SPHKAP: variants seen among roughly 807,000 people sequenced by gnomAD.
SPHKAP encodes SPHK1 interactor, AKAP domain containing, also known as A-kinase anchor protein SPHKAP.
A neutral mutation model predicts 137.5 loss-of-function variants in SPHKAP; 67 were observed. The observed-to-expected ratio is 0.49, with a 90% CI of 0.40 to 0.60. The LOEUF is 0.60. SPHKAP is among the 20% of genes least tolerant of loss of function. The pLI, the probability that SPHKAP is intolerant of heterozygous loss-of-function variation, is 0.00. For synonymous variants in SPHKAP, 813 were observed against 785.3 expected (o/e 1.04, Z -0.59); for missense variants, 2,097 against 2,069.3 (o/e 1.01, Z -0.26).
At chr2:228,122,410 ACTGT>A (rs538635347) in intron 2 of SPHKAP, among the ~76,000 whole-genome samples, 11 of 152,340 alleles carry the variant, frequency 7.2e-5, no homozygotes, top group African/African-American at 2.6e-4. Flanking sequence ...GGCATGTTGG[ACTGT>A]CACCACTGTA....
chr2:228,102,870 T>A (rs932194091), intron 3 of SPHKAP, among the ~76,000 whole-genome samples: 1 of 152,054 alleles, frequency 6.6e-6, no homozygotes, highest in Non-Finnish European at 1.5e-5. Flanking sequence ...ACCTCCCAAA[T>A]AGCTGGGACT....
intron 7 of SPHKAP, among the ~76,000 whole-genome samples, chr2:228,001,412 T>C (rs1322935007): frequency 1.4e-5 from 2 of 140,862 alleles, no homozygotes; most frequent in African/African-American, 2.6e-5. Flanking sequence ...TACATAAATA[T>C]ATATAAATAT....
At chr2:228,141,093 G>A (rs748257947) in intron 1 of SPHKAP, among the ~76,000 whole-genome samples, 13 of 152,088 alleles carry the variant, frequency 8.5e-5, no homozygotes, top group Admixed American at 3.9e-4. Flanking sequence ...GTTATTTTCC[G>A]CTGTGATCTC....
intron 1 of SPHKAP, among the ~76,000 whole-genome samples, chr2:228,151,396 G>A (rs564253194): frequency 2.4e-4 from 37 of 151,868 alleles, no homozygotes; most frequent in South Asian, 1.9e-3. Context: ...ATAAACATAC[G>A]TGTGCATGTG....
intron 3 of SPHKAP, among the ~76,000 whole-genome samples, chr2:228,074,933 T>C (rs550382244): frequency 1.1e-4 from 17 of 151,692 alleles, no homozygotes; most frequent in Admixed American, 5.9e-4. Flanking sequence ...CAACACAGCA[T>C]GAGATACCCA....
intron 7 of SPHKAP, among the ~76,000 whole-genome samples, chr2:228,009,566 T>C (rs1694285003): frequency 6.6e-6 from 1 of 152,220 alleles, no homozygotes. Context: ...ATTATACTCC[T>C]TATAATGAGT....
chr2:228,026,373 C>G (rs1695035466), intron 4 of SPHKAP, among the ~76,000 whole-genome samples: 1 of 152,050 alleles, frequency 6.6e-6, no homozygotes, highest in South Asian at 2.1e-4. Flanking sequence ...TATGCTAGAG[C>G]CTGTATATAT....
At chr2:228,069,016 C>T (rs1270852048) in intron 3 of SPHKAP, among the ~76,000 whole-genome samples, 1 of 152,146 alleles carries the variant, frequency 6.6e-6, no homozygotes, top group South Asian at 2.1e-4. Flanking sequence ...GCAAAGATCC[C>T]AGCACTTTTG....
chr2:228,146,708 G>A (rs143697384), intron 1 of SPHKAP, among the ~76,000 whole-genome samples: 62 of 152,266 alleles, frequency 4.1e-4, no homozygotes, highest in African/African-American at 1.3e-3. Context: ...CCAGTTCCAC[G>A]CGTGTTCCCG....
intron 2 of SPHKAP, among the ~76,000 whole-genome samples, chr2:228,111,685 CTATGG>C (rs909807683): frequency 1.3e-5 from 2 of 151,950 alleles, no homozygotes; most frequent in African/African-American, 4.8e-5. Context: ...TTGCAATGCC[CTATGG>C]TAGGAATTAT....
At chr2:228,076,291 G>A (rs555726614) in intron 3 of SPHKAP, among the ~76,000 whole-genome samples, 21 of 152,290 alleles carry the variant, frequency 1.4e-4, no homozygotes, top group Admixed American at 5.9e-4. Flanking sequence ...TACCAGTAGA[G>A]CGAAGTGCTG....
intron 3 of SPHKAP, among the ~76,000 whole-genome samples, chr2:228,052,153 G>A (rs953939382): frequency 6.6e-6 from 1 of 150,628 alleles, no homozygotes; most frequent in Admixed American, 6.6e-5. Context: ...AGTATTGGAA[G>A]ATAAAGTCAA....
intron 3 of SPHKAP, among the ~76,000 whole-genome samples, chr2:228,059,756 G>A (rs999716209): frequency 2.0e-5 from 3 of 152,220 alleles, no homozygotes; most frequent in Non-Finnish European, 4.4e-5. Flanking sequence ...ACAGAAGGCA[G>A]TCTGCTCAGT....
At chr2:228,129,367 CTGT>C (rs1231666035) in intron 2 of SPHKAP, among the ~76,000 whole-genome samples, 2 of 152,174 alleles carry the variant, frequency 1.3e-5, no homozygotes, top group Admixed American at 6.6e-5. Context: ...CAAGGCATGC[CTGT>C]TGTTGTCTCA....
chr2:228,124,682 T>G (rs1699018343), intron 2 of SPHKAP, among the ~76,000 whole-genome samples: 2 of 151,948 alleles, frequency 1.3e-5, no homozygotes, highest in Admixed American at 6.6e-5. Flanking sequence ...TGTATACATA[T>G]GTAACAAACC....
At chr2:228,120,943 A>G (rs1185188262) in intron 2 of SPHKAP, among the ~76,000 whole-genome samples, 1 of 152,214 alleles carries the variant, frequency 6.6e-6, no homozygotes, top group Non-Finnish European at 1.5e-5. Flanking sequence ...CAGCTGATTA[A>G]TTGTTATTTA....
intron 3 of SPHKAP, among the ~76,000 whole-genome samples, chr2:228,090,765 C>T (rs750312502): frequency 6.6e-6 from 1 of 151,944 alleles, no homozygotes; most frequent in Non-Finnish European, 1.5e-5. Flanking sequence ...GATGAGCACC[C>T]CCTAGCTTGT....
rs752877190 is a variant in SPHKAP at position 228,021,695 on chromosome 2, AT to A, written c.697+15del. 4.5e-6 allele frequency: 7 copies of A among 1,572,694 alleles called. No individual in the cohort carries two copies. The highest frequency in any genetic ancestry group is 3.7e-5 in the Admixed American group (2 of 54,008). The stretch of plus-strand genomic sequence containing the variant: ...CGGGGACTAATTTCAGGAGGCACTA[AT>A]TGGAAAGTTCTCACCGTTCCTAGAT... On this transcript the variant is annotated intron_variant, in intron 6 of 11. Transcript: ENST00000392056.
intron 8 of SPHKAP, among the ~76,000 whole-genome samples, chr2:227,994,372 T>G (rs2106166458): frequency 6.6e-6 from 1 of 152,292 alleles, no homozygotes; most frequent in South Asian, 2.1e-4. Flanking sequence ...GTTGAGCCAA[T>G]TTTTAGGCTC....
Sources: allele counts gnomAD v4.1 joint callset (sites outside exome capture counted in the v4.1 genomes callset), GRCh38; gene constraint gnomAD v4.1.1; transcripts MANE v1.5; gene names NCBI Gene and HGNC (gene_info 2026-07-23, HGNC 2026-07-21).